The following PCDHA4 variants were observed in gnomAD, a reference collection of about 807,000 sequenced individuals.
The protein encoded by PCDHA4 is protocadherin alpha 4.
A neutral mutation model predicts 61.4 loss-of-function variants in PCDHA4; 49 were observed. The ratio of observed to expected loss-of-function variants is 0.80; its 90% CI spans 0.63 to 1.01. The LOEUF (loss-of-function observed/expected upper bound fraction) is 1.01. PCDHA4 is among the 50% of genes least tolerant of loss of function. The probability of loss-of-function intolerance (pLI) is 0.00; values close to 1 mark genes in which losing one functional copy is unlikely to be tolerated. For synonymous variants in PCDHA4, 590 were observed against 550.3 expected (o/e 1.07, Z -1.01); for missense variants, 1,254 against 1,235.8 (o/e 1.01, Z -0.22).
intron 1 of PCDHA4, chr5:140,821,532 CACTT>C (rs1766992060): frequency 2.2e-6 from 1 of 453,922 alleles, no homozygotes; most frequent in Admixed American, 3.9e-5. Flanking sequence ...CAAAATAAAA[CACTT>C]ACCCTTTCAT....
chr5:141,003,452 C>G (rs1554259072), intron 3 of PCDHA4, among the ~76,000 whole-genome samples: 1 of 152,112 alleles, frequency 6.6e-6, no homozygotes, highest in Non-Finnish European at 1.5e-5. Flanking sequence ...GATGAAATTA[C>G]AGGCGTGCAC....
In PCDHA4 at chr5:140,834,331, T is replaced by C. The variant is rs2150215321; in HGVS notation, c.2385+24759T>C. ...TGAAATGAAGGGATAAAAACATTCC[T>C]ATAAATTCGAAGGCAAGTTTTGCTG... On this transcript the variant is annotated intron_variant, in intron 1 of 3. Coordinates refer to ENST00000530339, the MANE Select transcript of PCDHA4 (RefSeq NM_018907.4). 119 of 1,480,242 alleles carry C rather than the reference T, an allele frequency of 8.0e-5. No individual in the cohort carries two copies. In the African/African-American group the frequency reaches 9.8e-4, roughly 12 times the overall value. The allele number at this position is 1,480,242 out of a possible 1,614,324, so 91.7% of individuals were successfully genotyped here. A position where few individuals can be genotyped will look rare whatever the true frequency, so the allele number is the denominator to read the frequency against.
At chr5:140,858,375 C>T (rs1252920038) in intron 1 of PCDHA4, 4 of 1,587,834 alleles carry the variant, frequency 2.5e-6, no homozygotes, top group Non-Finnish European at 3.4e-6. Flanking sequence ...AGCCTTCCAC[C>T]ATGCCCAATG....
At chr5:140,949,219 C>T (rs543953096) in intron 1 of PCDHA4, among the ~76,000 whole-genome samples, 3 of 151,842 alleles carry the variant, frequency 2.0e-5, no homozygotes, top group African/African-American at 7.2e-5. Flanking sequence ...TCTGTTTAGA[C>T]TTGTTCTGTG....
chr5:140,871,553 GT>G lies in PCDHA4; in HGVS notation c.2385+61989del, dbSNP rs555355563. 1.1e-3 allele frequency: 1,577 copies of G among 1,491,202 alleles called. 1 individual carries two copies. The highest frequency in any genetic ancestry group is 2.7e-3 in the Middle Eastern group (15 of 5,580). 92.4% of individuals were successfully genotyped at this position (1,491,202 alleles called of 1,614,324 possible). On this transcript the variant is annotated intron_variant, in intron 1 of 3. Transcript: ENST00000530339. ...TGTATGTGAAATTATTTAAAATCCA[GT>G]TTTTTTTCACGGATTTTTTAAGGGA...
At chr5:140,909,045 G>A (rs1407145935) in intron 1 of PCDHA4, among the ~76,000 whole-genome samples, 1 of 152,112 alleles carries the variant, frequency 6.6e-6, no homozygotes, top group African/African-American at 2.4e-5. Flanking sequence ...TCCATACTCT[G>A]GCATGCAAAT....
chr5:140,958,137 A>G (rs1237826000), intron 1 of PCDHA4, among the ~76,000 whole-genome samples: 2 of 152,112 alleles, frequency 1.3e-5, no homozygotes, highest in Admixed American at 6.6e-5. Flanking sequence ...ATCAGTGTGT[A>G]TATTTATATA....
At chr5:140,969,297 T>C in intron 1 of PCDHA4, 2 of 1,614,200 alleles carry the variant, frequency 1.2e-6, no homozygotes, top group Non-Finnish European at 1.7e-6. Context: ...GGGAACCTGA[T>C]TATTCTCAAA....
intron 1 of PCDHA4, chr5:140,969,172 G>T (rs782196654): frequency 1.2e-5 from 19 of 1,614,086 alleles, no homozygotes; most frequent in Non-Finnish European, 1.5e-5. Context: ...CAGGCTCAGG[G>T]AGTGACACTT....
At chr5:140,831,505 C>A (rs1412107675) in intron 1 of PCDHA4, among the ~76,000 whole-genome samples, 1 of 140,118 alleles carries the variant, frequency 7.1e-6, no homozygotes. Flanking sequence ...ACACGAGCAC[C>A]ACCATGCCCC....
intron 1 of PCDHA4, among the ~76,000 whole-genome samples, chr5:140,962,185 C>T (rs782495435): frequency 6.6e-5 from 10 of 152,126 alleles, no homozygotes; most frequent in Non-Finnish European, 1.3e-4. Flanking sequence ...ACTTATATCA[C>T]TTTTATGCTT....
At chr5:140,823,959 G>C in intron 1 of PCDHA4, 1 of 1,614,072 alleles carries the variant, frequency 6.2e-7, no homozygotes, top group Non-Finnish European at 8.5e-7. Context: ...AGCCCACCGA[G>C]GCCGTGTGCA....
Position 140,827,991 on chromosome 5 carries a change from T to C in PCDHA4, c.2385+18419T>C, listed in dbSNP as rs1173902795. 6.1e-6 allele frequency: 9 copies of C among 1,468,882 alleles called. No individual in the cohort carries two copies. The African/African-American group carries it at 8.5e-5, about 14-fold the overall frequency. The allele number at this position is 1,468,882 out of a possible 1,614,324, so 91.0% of individuals were successfully genotyped here. On this transcript the variant is annotated intron_variant, in intron 1 of 3. Transcript: ENST00000530339. ...GCATCATTCCCTGACTGTTGAATGA[T>C]GGCGGACGCAGAAGAAATGGATTAA...
In PCDHA4 at chr5:140,808,107, A is replaced by G. The variant is rs145409201; in HGVS notation, c.920A>G (p.Tyr307Cys). The G allele has an allele frequency of 0.014, 21,957 of 1,613,848 alleles. 186 individuals carry two copies. Among genetic ancestry groups the G allele is most frequent in the South Asian group, 0.027 (2,453 of 91,076 alleles). The change falls in exon 1 of 4, where the codon TAT becomes TGT. Residue 307 changes from tyrosine to cysteine, a missense_variant. Tyr to Cys is a radical substitution (Grantham distance 194, BLOSUM62 -2). Coordinates refer to ENST00000530339, the MANE Select transcript of PCDHA4 (RefSeq NM_018907.4). Reference sequence around the variant, plus strand: ...ACTGGACAAATTATTGTAAAGGGATATATTGACTTTGAAGAAAGCAAATCC... The same window carrying G: ...ACTGGACAAATTATTGTAAAGGGATGTATTGACTTTGAAGAAAGCAAATCC... ...PITGQIIVKG[Y>C]IDFEESKSYE...
chr5:140,833,369 AT>A (rs1397488143), intron 1 of PCDHA4, among the ~76,000 whole-genome samples: 1 of 152,192 alleles, frequency 6.6e-6, no homozygotes, highest in Non-Finnish European at 1.5e-5. Context: ...AGTAAGGTAG[AT>A]CCAAAAAGGA....
chr5:140,823,741 C>A (rs2150128632), intron 1 of PCDHA4: 25 of 1,613,720 alleles, frequency 1.5e-5, no homozygotes, highest in Non-Finnish European at 2.0e-5. Flanking sequence ...CCATGGAGAG[C>A]CCCCGCTGAC....
intron 1 of PCDHA4, chr5:140,849,515 T>C: frequency 6.3e-7 from 1 of 1,596,992 alleles, no homozygotes; most frequent in Non-Finnish European, 8.6e-7. Context: ...TTGTGGAAGT[T>C]GTGGATGTAA....
At chr5:140,899,884 T>C (rs1467670856) in intron 1 of PCDHA4, among the ~76,000 whole-genome samples, 17 of 152,152 alleles carry the variant, frequency 1.1e-4, no homozygotes, top group African/African-American at 3.9e-4. Flanking sequence ...CAGAACTCAG[T>C]GCAGCCTTGA....
intron 1 of PCDHA4, chr5:140,868,962 A>G (rs1554162350): frequency 1.4e-5 from 20 of 1,421,940 alleles, no homozygotes; most frequent in Non-Finnish European, 3.8e-6. Flanking sequence ...CTCCCATACA[A>G]AGGAACTCCA....
Sources: gnomAD v4.1 joint callset for allele counts (sites outside exome capture counted in the v4.1 genomes callset) on GRCh38, gnomAD v4.1.1 for gene constraint, MANE v1.5 for transcripts, NCBI Gene and HGNC (gene_info 2026-07-23, HGNC 2026-07-21) for gene names.